TFEB: variants seen among roughly 807,000 people sequenced by gnomAD.
The protein encoded by TFEB is transcription factor EB.
A neutral mutation model predicts 48.0 loss-of-function variants in TFEB; 12 were observed. The observed-to-expected ratio is 0.25, with a 90% CI of 0.16 to 0.40. The LOEUF is 0.40. Among genes scored for constraint, TFEB ranks in the 10% least tolerant of loss-of-function variants. TFEB has a pLI of 1.00. For synonymous variants in TFEB, 244 were observed against 261.4 expected, an observed-to-expected ratio of 0.93 and a Z score of 0.64; for missense variants, 509 against 640.3, an observed-to-expected ratio of 0.79 and a Z score of 2.21.
chr6:41,690,636 A>T (rs979253777), intron 3 of TFEB, 27 bp downstream of exon 3: 1 of 1,498,002 alleles, frequency 6.7e-7, no homozygotes, highest in East Asian at 2.3e-5. Flanking sequence ...TGCAAGCAGC[A>T]TGGCCACTGG....
rs536625436 is a variant in TFEB at position 41,731,985 on chromosome 6, G to C, written c.-23+3365C>G. On this transcript the variant is annotated intron_variant, in intron 1 of 8. Coordinates refer to ENST00000373033, the MANE Select transcript of TFEB (RefSeq NM_001271944.2). ...AGCTCAGAAGAAAGGCCAGGAAACAGGTATGGTGCTCAGACAGGGGCCTCA... is the reference window on the plus strand; with the variant it reads ...AGCTCAGAAGAAAGGCCAGGAAACACGTATGGTGCTCAGACAGGGGCCTCA... Among the ~76,000 whole-genome samples, 3 of 152,272 alleles carry C rather than the reference G, an allele frequency of 2.0e-5. No individual in the cohort carries two copies. The South Asian group carries it at 6.2e-4, about 32-fold the overall frequency.
intron 1 of TFEB, among the ~76,000 whole-genome samples, chr6:41,715,368 A>T (rs1302793475): frequency 6.6e-6 from 1 of 151,430 alleles, no homozygotes; most frequent in African/African-American, 2.4e-5. Context: ...CAACACCCCC[A>T]CTCCCAAAAA....
At chr6:41,698,608 A>C (rs1474448227) in intron 1 of TFEB, among the ~76,000 whole-genome samples, 1 of 152,164 alleles carries the variant, frequency 6.6e-6, no homozygotes, top group African/African-American at 2.4e-5. Context: ...GACGCTCTGC[A>C]CCTCTGTGGT....
intron 1 of TFEB, among the ~76,000 whole-genome samples, chr6:41,697,502 A>ACC (rs1171318397): frequency 1.2e-4 from 9 of 73,282 alleles, no homozygotes; most frequent in African/African-American, 6.3e-4. Context: ...CCCTTCTCCA[A>ACC]ACCCCCCCCC....
rs573972153 is a variant in TFEB at position 41,731,515 on chromosome 6, C to T, written c.-23+3835G>A. Among the ~76,000 whole-genome samples the T allele has an allele frequency of 1.7e-4, 26 of 152,304 alleles. 1 individual carries two copies. The South Asian group carries it at 3.1e-3, about 18-fold the overall frequency. On this transcript the variant is annotated intron_variant, in intron 1 of 8. Coordinates refer to ENST00000373033, the MANE Select transcript of TFEB (RefSeq NM_001271944.2). Reference sequence around the variant, plus strand: ...CTTTCTCTTCCTTTTTCTTCCTCCCCGGTGCCTTTGGCAAAGATTTGTAGA... The same window carrying T: ...CTTTCTCTTCCTTTTTCTTCCTCCCTGGTGCCTTTGGCAAAGATTTGTAGA...
intron 1 of TFEB, among the ~76,000 whole-genome samples, chr6:41,703,754 G>C (rs1286879183): frequency 2.0e-5 from 3 of 152,246 alleles, no homozygotes; most frequent in African/African-American, 7.2e-5. Flanking sequence ...TGCACACTGA[G>C]TGCGTACTCT....
At chr6:41,699,038 C>G (rs1022106675) in intron 1 of TFEB, among the ~76,000 whole-genome samples, 1 of 152,260 alleles carries the variant, frequency 6.6e-6, no homozygotes, top group African/African-American at 2.4e-5. Flanking sequence ...CAGGAGCCAG[C>G]AGTCCTGCCC....
At position 41,684,925 on chromosome 6, in the gene TFEB, G is replaced by A; in HGVS notation, c.1105C>T (p.Pro369Ser). The A allele has an allele frequency of 6.3e-7, 1 of 1,585,224 alleles. No homozygotes were observed. The highest frequency in any genetic ancestry group is 1.3e-5 in the African/African-American group (1 of 74,426). ...ALMLGAEVPD[P>S]EPLPALPPQA... is the part of the protein sequence containing the mutation. ...GGGGGCAGAGCTGGCAGTGGCTCAG[G>A]GTCAGGGACCTCAGCCCCCAGCATC... is the stretch of plus-strand genomic sequence containing the variant. Residue 369 changes from proline (P) to serine (S), a missense_variant, in exon 9 of 9, where the codon CCT (proline) becomes TCT (serine). Pro to Ser is a moderately conservative substitution (Grantham distance 74). Coordinates refer to ENST00000373033, the MANE Select transcript of TFEB (RefSeq NM_001271944.2).
intron 1 of TFEB, among the ~76,000 whole-genome samples, chr6:41,710,242 G>C (rs992538463): frequency 2.0e-5 from 3 of 152,212 alleles, no homozygotes; most frequent in African/African-American, 7.2e-5. Context: ...CATCAGAATA[G>C]AGGATATCCT....
intron 3 of TFEB, 149 bp downstream of exon 3, chr6:41,690,513 TG>T (rs1769245295): frequency 1.1e-6 from 1 of 912,530 alleles, no homozygotes; most frequent in Admixed American, 3.7e-5. Flanking sequence ...CCCCTGAGAT[TG>T]GGGCTCCCTG....
chr6:41,693,977 A>C, intron 1 of TFEB, among the ~76,000 whole-genome samples: 1 of 110,190 alleles, frequency 9.1e-6, no homozygotes, highest in African/African-American at 3.6e-5. Context: ...CCCTCTACAC[A>C]CCCACCCACA....
chr6:41,712,002 C>T (rs1339474457), intron 1 of TFEB, among the ~76,000 whole-genome samples: 1 of 152,174 alleles, frequency 6.6e-6, no homozygotes, highest in Non-Finnish European at 1.5e-5. Context: ...GGGCTTCGCA[C>T]AGCCTATAGA....
At chr6:41,696,813 T>C (rs1206424371) in intron 1 of TFEB, among the ~76,000 whole-genome samples, 1 of 152,204 alleles carries the variant, frequency 6.6e-6, no homozygotes, top group Non-Finnish European at 1.5e-5. Context: ...CTCGCAGACA[T>C]AATGTTAACG....
intron 1 of TFEB, among the ~76,000 whole-genome samples, chr6:41,729,908 C>A (rs1435289593): frequency 6.6e-6 from 1 of 152,198 alleles, no homozygotes; most frequent in Non-Finnish European, 1.5e-5. Flanking sequence ...GCGGCAGGAC[C>A]CGAAGGCAGT....
intron 1 of TFEB, among the ~76,000 whole-genome samples, chr6:41,722,150 T>C (rs975566720): frequency 1.3e-5 from 2 of 152,112 alleles, no homozygotes; most frequent in Admixed American, 1.3e-4. Flanking sequence ...CAGCTAATTT[T>C]TTGTATTTTA....
At position 41,720,021 on chromosome 6, in the gene TFEB, T is replaced by G. The variant is rs1021746806; in HGVS notation, c.-23+15329A>C. Among the ~76,000 whole-genome samples the G allele has an allele frequency of 6.6e-6, 1 of 151,930 alleles. No homozygotes were observed. Among genetic ancestry groups the G allele is most frequent in the Non-Finnish European group, 1.5e-5 (1 of 67,998 alleles). The stretch of plus-strand genomic sequence containing the variant: ...TTAGCACAGCGCTGGCACACAGGAG[T>G]GCCAATATATGTGACCTGTCATTAA... On this transcript the variant is annotated intron_variant, in intron 1 of 8. Transcript: ENST00000373033. This position sits in a 1 kb window ranked among gnomAD's most constrained non-coding sequence, Gnocchi z 4.1.
intron 1 of TFEB, among the ~76,000 whole-genome samples, chr6:41,695,094 A>G (rs905167426): frequency 1.3e-5 from 2 of 152,180 alleles, no homozygotes; most frequent in African/African-American, 4.8e-5. Context: ...CACTGCCCCT[A>G]CTGGCTAGGC....
At chr6:41,735,615 T>G (rs1771650778), upstream of TFEB, 2 of 944,110 alleles carry the variant, frequency 2.1e-6, no homozygotes, top group Non-Finnish European at 1.3e-6. Context: ...CCACGCACAC[T>G]TCCCTCCGCG....
At chr6:41,705,154 T>TG (rs1379664757) in intron 1 of TFEB, among the ~76,000 whole-genome samples, 1 of 152,198 alleles carries the variant, frequency 6.6e-6, no homozygotes. Context: ...AGACAACCTT[T>TG]GGGACAGTGT....
Sources: gnomAD v4.1 joint callset for allele counts (sites outside exome capture counted in the v4.1 genomes callset) on GRCh38, gnomAD v4.1.1 for gene constraint, Gnocchi (gnomAD v3.1) non-coding constraint, MANE v1.5 for transcripts, NCBI Gene and HGNC (gene_info 2026-07-23, HGNC 2026-07-21) for gene names.